The following CFTR variants were observed in gnomAD, a reference collection of about 807,000 sequenced individuals.
CFTR encodes the protein CF transmembrane conductance regulator.
Under a neutral mutation model 171.6 loss-of-function variants are expected in CFTR, and 181 were observed. The observed-to-expected ratio is 1.05, with a 90% CI of 0.93 to 1.19. CFTR has a LOEUF of 1.19. Ranked by LOEUF, CFTR falls within the 50% of genes most tolerant of loss-of-function variation. The probability of loss-of-function intolerance (pLI) is 0.00; values close to 1 mark genes in which losing one functional copy is unlikely to be tolerated. For missense variants in CFTR, 1,968 were observed against 1,734.7 expected (o/e 1.13, Z -2.39); for synonymous variants, 583 against 608.0 (o/e 0.96, Z 0.60).
chr7:117,576,471 G>A (rs1791771641), intron 11 of CFTR, among the ~76,000 whole-genome samples: 1 of 151,976 alleles, frequency 6.6e-6, no homozygotes, highest in South Asian at 2.1e-4. Flanking sequence ...TTATATAAGG[G>A]TCTTGAGCAT....
At chr7:117,495,445 A>G (rs2116623937) in intron 1 of CFTR, among the ~76,000 whole-genome samples, 1 of 152,240 alleles carries the variant, frequency 6.6e-6, no homozygotes, top group Non-Finnish European at 1.5e-5. Context: ...TGAGTCTTTG[A>G]AATCCAAGTC....
At chr7:117,501,747 C>CAAAAAAAAAAAAAAAAAAAAAAAG (rs1798330251) in intron 1 of CFTR, among the ~76,000 whole-genome samples, 1 of 43,902 alleles carries the variant, frequency 2.3e-5, no homozygotes. Flanking sequence ...AACTCTGTCT[C>CAAAAAAAAAAAAAAAAAAAAAAAG]AAAAAAAAAA....
chr7:117,532,357 T>C (rs998315840), intron 4 of CFTR, among the ~76,000 whole-genome samples: 6 of 152,220 alleles, frequency 3.9e-5, no homozygotes, highest in South Asian at 4.1e-4. Flanking sequence ...TTTTAAGCGA[T>C]TGGGTACACT....
At chr7:117,511,693 A>G (rs1336346584) in intron 3 of CFTR, among the ~76,000 whole-genome samples, 1 of 152,236 alleles carries the variant, frequency 6.6e-6, no homozygotes, top group African/African-American at 2.4e-5. Flanking sequence ...CCCTTGTCAT[A>G]GAGAAAAAAC....
chr7:117,631,618 G>A (rs1792748549), intron 22 of CFTR, among the ~76,000 whole-genome samples: 2 of 152,182 alleles, frequency 1.3e-5, no homozygotes, highest in African/African-American at 4.8e-5. Flanking sequence ...CTCCAGGCTG[G>A]TGAAGACATT....
At chr7:117,539,261 T>C (rs1242803774) in intron 7 of CFTR, among the ~76,000 whole-genome samples, 1 of 152,160 alleles carries the variant, frequency 6.6e-6, no homozygotes, top group Non-Finnish European at 1.5e-5. Flanking sequence ...CACATATGTA[T>C]TAAAAAAATA....
chr7:117,616,040 G>T (rs755460165), intron 21 of CFTR, among the ~76,000 whole-genome samples: 7 of 151,906 alleles, frequency 4.6e-5, no homozygotes, highest in Non-Finnish European at 8.8e-5. Flanking sequence ...CATTTATTCA[G>T]CTATAAAATT....
intron 1 of CFTR, among the ~76,000 whole-genome samples, chr7:117,489,538 C>A (rs971363766): frequency 6.6e-6 from 1 of 151,916 alleles, no homozygotes; most frequent in Admixed American, 6.6e-5. Context: ...TTGTACAACT[C>A]TGTTATGCTG....
intron 22 of CFTR, among the ~76,000 whole-genome samples, chr7:117,628,264 A>G (rs1202033973): frequency 1.3e-5 from 2 of 152,084 alleles, no homozygotes; most frequent in African/African-American, 4.8e-5. Context: ...TACTATATTT[A>G]TTAAGCATGA....
At chr7:117,540,629 A>G (rs991381492) in intron 8 of CFTR, among the ~76,000 whole-genome samples, 1 of 152,244 alleles carries the variant, frequency 6.6e-6, no homozygotes, top group African/African-American at 2.4e-5. Context: ...AAAGTTTTCA[A>G]GTGATAAGAC....
At chr7:117,487,325 C>G (rs897794754) in intron 1 of CFTR, among the ~76,000 whole-genome samples, 1 of 152,122 alleles carries the variant, frequency 6.6e-6, no homozygotes, top group East Asian at 1.9e-4. Context: ...GAAGAAGCAG[C>G]TGAGTTCTAG....
At chr7:117,490,152 C>T (rs1256211206) in intron 1 of CFTR, among the ~76,000 whole-genome samples, 2 of 151,972 alleles carry the variant, frequency 1.3e-5, no homozygotes, top group Non-Finnish European at 2.9e-5. Flanking sequence ...ACAATGTGAT[C>T]TTAGGCAATT....
In CFTR at chr7:117,610,528, A is replaced by G; in HGVS notation, c.2998A>G (p.Ile1000Val). 6.2e-7 allele frequency: 1 copy of G among 1,613,022 alleles called. No individual in the cohort carries two copies. Among genetic ancestry groups the G allele is most frequent in the Non-Finnish European group, 8.5e-7 (1 of 1,179,438 alleles). Residue 1000 changes from isoleucine to valine, a missense_variant, in exon 19 of 27, where the codon ATT (isoleucine) becomes GTT (valine). By Grantham distance (29) the Ile-to-Val change is conservative. Transcript: ENST00000003084. Reference sequence around the variant, plus strand: ...TTCTTTGATCTTACAGTTGTTATTAATTGTGATTGGAGCTATAGCAGTTGT... The same window carrying G: ...TTCTTTGATCTTACAGTTGTTATTAGTTGTGATTGGAGCTATAGCAGTTGT... ...TIFDFIQLLL[I>V]VIGAIAVVAV...
At chr7:117,594,490 A>C (rs1445983903) in intron 14 of CFTR, among the ~76,000 whole-genome samples, 2 of 152,216 alleles carry the variant, frequency 1.3e-5, no homozygotes, top group Non-Finnish European at 1.5e-5. Flanking sequence ...ATGAGCTTTC[A>C]GTCTATTGGA....
At chr7:117,586,597 T>G (rs922863210) in intron 11 of CFTR, among the ~76,000 whole-genome samples, 4 of 152,264 alleles carry the variant, frequency 2.6e-5, no homozygotes, top group African/African-American at 9.6e-5. Flanking sequence ...GGTAGATAAA[T>G]GGAACAAATG....
intron 3 of CFTR, among the ~76,000 whole-genome samples, chr7:117,512,943 A>C (rs777859780): frequency 6.6e-6 from 1 of 152,190 alleles, no homozygotes. Flanking sequence ...AAGGACATAC[A>C]GGAGAAGTCC....
At chr7:117,548,481 A>C (rs1434950609) in intron 9 of CFTR, among the ~76,000 whole-genome samples, 160 bp from the exon 10 acceptor site, 1 of 152,024 alleles carries the variant, frequency 6.6e-6, no homozygotes, top group African/African-American at 2.4e-5. Context: ...TATGCTATAT[A>C]ATTATGTACT....
intron 2 of CFTR, among the ~76,000 whole-genome samples, chr7:117,508,084 T>G (rs536950312): frequency 1.3e-5 from 2 of 152,354 alleles, no homozygotes; most frequent in East Asian, 3.9e-4. Flanking sequence ...CTATTACTCC[T>G]TTAGAGTGAT....
At chr7:117,653,161 A>G (rs1318972089) in intron 24 of CFTR, among the ~76,000 whole-genome samples, 1 of 152,062 alleles carries the variant, frequency 6.6e-6, no homozygotes, top group African/African-American at 2.4e-5. Flanking sequence ...TGATATGGCT[A>G]AGATCATTCT....
Sources: allele counts gnomAD v4.1 joint callset (sites outside exome capture counted in the v4.1 genomes callset), GRCh38; gene constraint gnomAD v4.1.1; transcripts MANE v1.5; gene names NCBI Gene and HGNC (gene_info 2026-07-23, HGNC 2026-07-21).